Variants in ANKRD13C observed in about 807,000 individuals in gnomAD.
The protein encoded by ANKRD13C is ankyrin repeat domain 13C.
ANKRD13C carries 16 observed loss-of-function variants against 65.5 expected under a neutral mutation model. The observed-to-expected ratio is 0.24, with a 90% CI of 0.17 to 0.37. ANKRD13C has a LOEUF of 0.37. Among genes scored for constraint, ANKRD13C ranks in the 10% least tolerant of loss-of-function variants. ANKRD13C has a pLI of 1.00. For missense variants in ANKRD13C, 503 were observed against 655.9 expected (o/e 0.77, Z 2.55); for synonymous variants, 235 against 238.7 (o/e 0.98, Z 0.14).
intron 3 of ANKRD13C, among the ~76,000 whole-genome samples, chr1:70,321,488 A>G (rs1681302778): frequency 6.6e-6 from 1 of 152,170 alleles, no homozygotes; most frequent in Admixed American, 6.5e-5. Flanking sequence ...AATAAGACAA[A>G]GGCCGACAGA....
chr1:70,268,621 T>C (rs1427847012), intron 12 of ANKRD13C, among the ~76,000 whole-genome samples: 4 of 152,070 alleles, frequency 2.6e-5, no homozygotes, highest in Admixed American at 1.3e-4. Context: ...GTGTTGGAAG[T>C]AGTGAGGGAG....
intron 1 of ANKRD13C, among the ~76,000 whole-genome samples, chr1:70,338,334 G>A (rs1682149021): frequency 6.6e-6 from 1 of 152,116 alleles, no homozygotes; most frequent in Non-Finnish European, 1.5e-5. Context: ...TCTCAGTAAA[G>A]CACAGTTTTC....
At position 70,296,170 on chromosome 1, in the gene ANKRD13C, G is replaced by A. The variant is rs747085829; in HGVS notation, c.1013C>T (p.Thr338Met). 1.4e-5 allele frequency: 22 copies of A among 1,613,822 alleles called. No homozygotes were observed. The highest frequency in any genetic ancestry group is 5.0e-5 in the Admixed American group (3 of 59,990). The stretch of plus-strand genomic sequence containing the variant: ...AAAAAGCCATCCTGTCTGGGCACGC[G>A]TGAAAGAAATTGATTTTGTTGATAA... ...ATLSTKSISF[T>M]RAQTGWLFRE... is the part of the protein sequence containing the mutation. Residue 338 changes from threonine to methionine, a missense_variant, in exon 8 of 13, where the codon ACG (threonine) becomes ATG (methionine). Coordinates refer to ENST00000370944, the MANE Select transcript of ANKRD13C (RefSeq NM_030816.5).
intron 4 of ANKRD13C, among the ~76,000 whole-genome samples, chr1:70,315,150 C>T (rs555771530): frequency 2.1e-4 from 32 of 152,192 alleles, no homozygotes; most frequent in South Asian, 2.1e-3. Flanking sequence ...AAAACTGCCA[C>T]TTCTAGTAGC....
intron 3 of ANKRD13C, among the ~76,000 whole-genome samples, chr1:70,319,657 T>TC (rs1558298029): frequency 1.3e-5 from 2 of 150,948 alleles, no homozygotes; most frequent in Non-Finnish European, 3.0e-5. Context: ...TATGCCTTTT[T>TC]TTTTTTTTAA....
At chr1:70,275,982 A>AG (rs1298373784) in intron 10 of ANKRD13C, among the ~76,000 whole-genome samples, 6 of 150,358 alleles carry the variant, frequency 4.0e-5, no homozygotes, top group Admixed American at 3.3e-4. Flanking sequence ...AAAAAAAAAA[A>AG]CTATAAAAAT....
At chr1:70,266,511 T>TC (rs1678636563) in intron 12 of ANKRD13C, among the ~76,000 whole-genome samples, 1 of 152,226 alleles carries the variant, frequency 6.6e-6, no homozygotes, top group Non-Finnish European at 1.5e-5. Flanking sequence ...ATACAGCTAT[T>TC]CTAGGTTCTT....
At chr1:70,350,327 G>T (rs1037381672) in intron 1 of ANKRD13C, among the ~76,000 whole-genome samples, 10 of 152,224 alleles carry the variant, frequency 6.6e-5, no homozygotes, top group African/African-American at 2.4e-4. Context: ...CGATGATGAT[G>T]AAGATTTTCA....
chr1:70,289,725 C>T (rs2101235943), intron 9 of ANKRD13C, among the ~76,000 whole-genome samples: 1 of 152,040 alleles, frequency 6.6e-6, no homozygotes, highest in Non-Finnish European at 1.5e-5. Context: ...ATCCACCCAC[C>T]TCGGCTTCCC....
chr1:70,279,221 AAG>A (rs150241152), intron 9 of ANKRD13C, among the ~76,000 whole-genome samples: 1 of 151,618 alleles, frequency 6.6e-6, no homozygotes, highest in Non-Finnish European at 1.5e-5. Context: ...GAAATTAAAA[AAG>A]AGAGAGAGAG....
At chr1:70,297,299 T>TTC (rs1680130201) in intron 7 of ANKRD13C, among the ~76,000 whole-genome samples, 1 of 144,022 alleles carries the variant, frequency 6.9e-6, no homozygotes, top group East Asian at 2.1e-4. Flanking sequence ...TTTTTTTTTT[T>TTC]TTTTTTTTTT....
intron 12 of ANKRD13C, among the ~76,000 whole-genome samples, chr1:70,265,389 G>A (rs1461972590): frequency 6.6e-6 from 1 of 152,112 alleles, no homozygotes; most frequent in African/African-American, 2.4e-5. Flanking sequence ...GAAGAGATTA[G>A]TATAAAAACA....
At chr1:70,299,800 T>G (rs1680265922) in intron 7 of ANKRD13C, among the ~76,000 whole-genome samples, 2 of 152,192 alleles carry the variant, frequency 1.3e-5, no homozygotes, top group Admixed American at 6.5e-5. Flanking sequence ...ATGATATCCA[T>G]TAGGCATTTA....
At chr1:70,330,561 A>C (rs1681741025) in intron 2 of ANKRD13C, among the ~76,000 whole-genome samples, 1 of 148,914 alleles carries the variant, frequency 6.7e-6, no homozygotes, top group Non-Finnish European at 1.5e-5. Context: ...CCGTCTCAAA[A>C]AAACAAACAA....
chr1:70,270,580 G>A (rs1467664004), intron 12 of ANKRD13C, among the ~76,000 whole-genome samples: 1 of 152,108 alleles, frequency 6.6e-6, no homozygotes, highest in Non-Finnish European at 1.5e-5. Flanking sequence ...TAAGGAGCGT[G>A]CAACCTAGAT....
chr1:70,297,050 G>A (rs1209386581), intron 7 of ANKRD13C, among the ~76,000 whole-genome samples: 1 of 151,996 alleles, frequency 6.6e-6, no homozygotes. Flanking sequence ...AAGTGAGCAG[G>A]TATAAGATGA....
chr1:70,338,424 C>CA (rs1257633608), intron 1 of ANKRD13C, among the ~76,000 whole-genome samples: 1 of 151,868 alleles, frequency 6.6e-6, no homozygotes, highest in African/African-American at 2.4e-5. Flanking sequence ...GTGTGTGAGA[C>CA]AGAGTCTCCT....
chr1:70,270,708 T>C (rs1678841621), intron 12 of ANKRD13C, 148 bp downstream of exon 12: 1 of 589,250 alleles, frequency 1.7e-6, no homozygotes, highest in African/African-American at 1.9e-5. Flanking sequence ...GCTCAGCTCA[T>C]CTCCTGCTGT....
At chr1:70,346,706 ATCT>A (rs1682539706) in intron 1 of ANKRD13C, among the ~76,000 whole-genome samples, 2 of 152,288 alleles carry the variant, frequency 1.3e-5, no homozygotes, top group South Asian at 4.1e-4. Context: ...TATCAGCTCT[ATCT>A]TCTTATCACC....
Sources: allele counts gnomAD v4.1 joint callset (sites outside exome capture counted in the v4.1 genomes callset), GRCh38; gene constraint gnomAD v4.1.1; transcripts MANE v1.5; gene names NCBI Gene and HGNC (gene_info 2026-07-23, HGNC 2026-07-21).